Variants in SNTG2 observed in about 807,000 individuals in gnomAD.
SNTG2 encodes syntrophin gamma 2.
In SNTG2, 74 loss-of-function variants were observed where a neutral mutation model predicts 70.9. That is an observed-to-expected ratio of 1.04 (90% confidence interval 0.86 to 1.27). The LOEUF is 1.27. Ranked by LOEUF, SNTG2 falls within the 50% of genes most tolerant of loss-of-function variation. The probability of loss-of-function intolerance (pLI) is 0.00; values close to 1 mark genes in which losing one functional copy is unlikely to be tolerated. For synonymous variants in SNTG2, 278 were observed against 273.8 expected, an observed-to-expected ratio of 1.02 and a Z score of -0.15; for missense variants, 717 against 690.7, an observed-to-expected ratio of 1.04 and a Z score of -0.43.
chr2:1,246,032 C>T (rs1677402493), intron 11 of SNTG2, among the ~76,000 whole-genome samples: 1 of 152,142 alleles, frequency 6.6e-6, no homozygotes, highest in Non-Finnish European at 1.5e-5. Context: ...TATGTGGTTC[C>T]TGAGCCTCCA....
chr2:1,194,351 A>T (rs893580069), intron 8 of SNTG2, among the ~76,000 whole-genome samples: 2 of 152,196 alleles, frequency 1.3e-5, no homozygotes, highest in Admixed American at 6.5e-5. Flanking sequence ...CAATGTCCTC[A>T]GGCAGTTTCA....
intron 15 of SNTG2, among the ~76,000 whole-genome samples, chr2:1,311,616 A>C (rs1680993655): frequency 6.6e-6 from 1 of 152,244 alleles, no homozygotes; most frequent in Non-Finnish European, 1.5e-5. Flanking sequence ...TGATAGGAAC[A>C]TCAATATGAT....
chr2:1,271,160 A>T (rs1042839101), intron 14 of SNTG2, among the ~76,000 whole-genome samples: 3 of 152,206 alleles, frequency 2.0e-5, no homozygotes, highest in Non-Finnish European at 2.9e-5. Flanking sequence ...GTTATCCAGA[A>T]TTCAGTGTCA....
At chr2:1,273,112 C>A (rs943216214) in intron 14 of SNTG2, among the ~76,000 whole-genome samples, 2 of 152,198 alleles carry the variant, frequency 1.3e-5, no homozygotes, top group Admixed American at 1.3e-4. Context: ...ACGCCCCTGC[C>A]TGCCCGCCTC....
chr2:1,186,614 C>T (rs897528156), intron 8 of SNTG2, among the ~76,000 whole-genome samples: 12 of 152,042 alleles, frequency 7.9e-5, no homozygotes, highest in South Asian at 4.2e-4. Context: ...GCAGGTCTTA[C>T]GTAGCTAGAG....
intron 4 of SNTG2, among the ~76,000 whole-genome samples, chr2:1,109,116 T>G (rs1666266545): frequency 1.3e-5 from 2 of 152,084 alleles, no homozygotes; most frequent in South Asian, 4.1e-4. Context: ...GCGCAGGGTA[T>G]GGAGAGCTGG....
intron 1 of SNTG2, among the ~76,000 whole-genome samples, chr2:1,061,541 G>A (rs1215008385): frequency 2.0e-5 from 3 of 152,208 alleles, no homozygotes; most frequent in African/African-American, 4.8e-5. Context: ...TACGTTCAGA[G>A]TTTCTCTTCT....
chr2:1,137,675 G>A lies in SNTG2; in HGVS notation c.369+10G>A, dbSNP rs758976389. On this transcript the variant is annotated intron_variant, in intron 5 of 16. Coordinates refer to ENST00000308624, the MANE Select transcript of SNTG2 (RefSeq NM_018968.4). ...AGATGCTGTTCTCCAGGTCAGTATT[G>A]TACACGTTAATCCTTAACTTGATTG... The A allele has an allele frequency of 1.2e-6, 2 of 1,613,608 alleles. No individual in the cohort carries two copies. The highest frequency in any genetic ancestry group is 1.3e-5 in the African/African-American group (1 of 74,902).
At chr2:1,267,327 C>T in intron 13 of SNTG2, 38 bp from the exon 14 acceptor site, 1 of 1,544,814 alleles carries the variant, frequency 6.5e-7, no homozygotes, top group Non-Finnish European at 8.8e-7. Flanking sequence ...AATGACCTTC[C>T]AGCGCTGCAC....
At chr2:1,066,445 C>T (rs546699176) in intron 1 of SNTG2, among the ~76,000 whole-genome samples, 2 of 151,418 alleles carry the variant, frequency 1.3e-5, no homozygotes, top group Non-Finnish European at 2.9e-5. Context: ...TGCGTCTCAT[C>T]GACTTGCTGG....
chr2:987,971 C>T (rs988895527), intron 1 of SNTG2, among the ~76,000 whole-genome samples: 8 of 152,226 alleles, frequency 5.3e-5, no homozygotes, highest in East Asian at 3.9e-4. Flanking sequence ...CCAGGCCGCT[C>T]GGCTGCCCAG....
At chr2:1,194,191 A>G (rs114119084) in intron 8 of SNTG2, among the ~76,000 whole-genome samples, 8 of 152,350 alleles carry the variant, frequency 5.3e-5, no homozygotes, top group Non-Finnish European at 7.3e-5. Flanking sequence ...CCAGAGAGTT[A>G]GAAGTAGGAG....
intron 1 of SNTG2, among the ~76,000 whole-genome samples, chr2:956,207 C>A (rs1660146651): frequency 8.2e-6 from 1 of 121,472 alleles, no homozygotes. Flanking sequence ...CTGCCACTGC[C>A]CCTGCCCCTG....
chr2:1,317,112 A>T (rs1204899003), intron 16 of SNTG2, among the ~76,000 whole-genome samples: 1 of 90,900 alleles, frequency 1.1e-5, no homozygotes, highest in Non-Finnish European at 2.3e-5. Context: ...GCATTGGAGA[A>T]GGTTGGGATT....
Position 1,124,056 on chromosome 2 carries a change from C to A in SNTG2, c.326-13566C>A, listed in dbSNP as rs183613222. 1.6e-4 allele frequency among the ~76,000 whole-genome samples: 25 copies of A among 152,116 alleles called. No homozygotes were observed. The East Asian group carries it at 4.8e-3, about 29-fold the overall frequency. On this transcript the variant is annotated intron_variant, in intron 4 of 16. Coordinates refer to ENST00000308624, the MANE Select transcript of SNTG2 (RefSeq NM_018968.4). ...AGAATTTTTTTTAAGTTCTATTGCA[C>A]AGTGTGGCAAAGATAGCTTTTTAAT... is the stretch of plus-strand genomic sequence containing the variant.
At chr2:1,091,025 T>G (rs1664985630) in intron 2 of SNTG2, among the ~76,000 whole-genome samples, 1 of 152,156 alleles carries the variant, frequency 6.6e-6, no homozygotes, top group Non-Finnish European at 1.5e-5. Flanking sequence ...CACCACCTGA[T>G]GGTCGCCTGA....
intron 6 of SNTG2, among the ~76,000 whole-genome samples, chr2:1,152,162 A>C (rs1279945026): frequency 6.6e-6 from 1 of 152,202 alleles, no homozygotes; most frequent in African/African-American, 2.4e-5. Context: ...AGGCCAGGCA[A>C]TCAGTCAATC....
At chr2:1,362,224 C>G (rs530455307) in intron 16 of SNTG2, among the ~76,000 whole-genome samples, 1 of 151,064 alleles carries the variant, frequency 6.6e-6, no homozygotes, top group African/African-American at 2.5e-5. Context: ...CCACGAAGGT[C>G]ACCAACACTG....
chr2:1,061,431 T>C (rs1000930876), intron 1 of SNTG2, among the ~76,000 whole-genome samples: 1 of 152,258 alleles, frequency 6.6e-6, no homozygotes, highest in East Asian at 1.9e-4. Context: ...TTTTCAAGGA[T>C]GTTTGTGCAG....
Sources: allele counts gnomAD v4.1 joint callset (sites outside exome capture counted in the v4.1 genomes callset), GRCh38; gene constraint gnomAD v4.1.1; transcripts MANE v1.5; gene names NCBI Gene and HGNC (gene_info 2026-07-23, HGNC 2026-07-21).